Variants in BRINP1 observed in about 807,000 individuals in gnomAD.
BRINP1 encodes the protein BMP/retinoic acid-inducible neural-specific protein 1.
A neutral mutation model predicts 72.9 loss-of-function variants in BRINP1; 17 were observed. That is an observed-to-expected ratio of 0.23 (90% CI 0.16 to 0.35). The LOEUF (loss-of-function observed/expected upper bound fraction) is 0.35, where lower values mean the gene tolerates loss of function less well. BRINP1 is among the 10% of genes least tolerant of loss of function. The pLI is 1.00. For synonymous variants in BRINP1, 418 were observed against 378.5 expected (o/e 1.10, Z -1.21); for missense variants, 850 against 1,001.6 (o/e 0.85, Z 2.04).
At chr9:119,175,120 A>AT (rs1491501487) in intron 7 of BRINP1, among the ~76,000 whole-genome samples, 60 of 81,710 alleles carry the variant, frequency 7.3e-4, no homozygotes, top group Admixed American at 1.4e-3. Context: ...AGTAAAGTAT[A>AT]AAAAAAAAAA....
intron 2 of BRINP1, among the ~76,000 whole-genome samples, chr9:119,302,951 A>G (rs1476120342): frequency 6.6e-6 from 1 of 152,136 alleles, no homozygotes; most frequent in South Asian, 2.1e-4. Flanking sequence ...CCTTGGTGTC[A>G]TCAGAGGCTA....
chr9:119,224,782 T>C (rs1830073916), intron 5 of BRINP1, among the ~76,000 whole-genome samples: 2 of 152,068 alleles, frequency 1.3e-5, no homozygotes, highest in Admixed American at 6.6e-5. Context: ...ATGTGTCATG[T>C]ACCATGTCTC....
chr9:119,176,762 A>T (rs1829494736), intron 7 of BRINP1, among the ~76,000 whole-genome samples: 1 of 152,196 alleles, frequency 6.6e-6, no homozygotes, highest in Admixed American at 6.5e-5. Context: ...ACTCTCGGGG[A>T]TTTCACTATC....
At chr9:119,344,920 GTTCTCTCCCATAAC>G (rs1831435745) in intron 1 of BRINP1, among the ~76,000 whole-genome samples, 1 of 152,156 alleles carries the variant, frequency 6.6e-6, no homozygotes, top group Non-Finnish European at 1.5e-5. Flanking sequence ...AACATGATCA[GTTCTCTCCCATAAC>G]TTTAATGCTC....
At chr9:119,186,128 G>T (rs1020240745) in intron 7 of BRINP1, among the ~76,000 whole-genome samples, 1 of 152,274 alleles carries the variant, frequency 6.6e-6, no homozygotes, top group East Asian at 1.9e-4. Flanking sequence ...GGGCTCAGAT[G>T]TTAGGGTCAC....
chr9:119,233,106 G>A lies in BRINP1; in HGVS notation c.685+5549C>T, dbSNP rs557611659. On this transcript the variant is annotated intron_variant, in intron 5 of 7. Transcript: ENST00000265922. ...ATCACAAGGTGAAAGTCATTAGAGT[G>A]CCATTGATATTGTTCTCAATCCACC... Among the ~76,000 whole-genome samples the A allele has an allele frequency of 5.4e-4, 82 of 151,592 alleles. 1 individual carries two copies. In the Middle Eastern group the frequency reaches 0.02, roughly 38 times the overall value.
chr9:119,257,383 C>T (rs754697020), intron 2 of BRINP1, among the ~76,000 whole-genome samples: 1 of 152,168 alleles, frequency 6.6e-6, no homozygotes, highest in Non-Finnish European at 1.5e-5. Context: ...AAAGCAACTC[C>T]ATGAGGGGCA....
At chr9:119,258,592 T>C (rs1460971547) in intron 2 of BRINP1, among the ~76,000 whole-genome samples, 2 of 152,180 alleles carry the variant, frequency 1.3e-5, no homozygotes, top group African/African-American at 2.4e-5. Flanking sequence ...ATCACTGTCA[T>C]TTCACAGATG....
chr9:119,360,375 T>C (rs1476358455), intron 1 of BRINP1, among the ~76,000 whole-genome samples: 2 of 152,232 alleles, frequency 1.3e-5, no homozygotes, highest in African/African-American at 4.8e-5. Flanking sequence ...CCTTCCTTTA[T>C]CATGCGCCTG....
chr9:119,318,554 G>T (rs1831149480), intron 1 of BRINP1, among the ~76,000 whole-genome samples: 1 of 152,114 alleles, frequency 6.6e-6, no homozygotes, highest in Non-Finnish European at 1.5e-5. Flanking sequence ...ATCCGTACAT[G>T]TTGAGTGCAG....
At chr9:119,173,933 A>C (rs911177530) in intron 7 of BRINP1, among the ~76,000 whole-genome samples, 1 of 129,146 alleles carries the variant, frequency 7.7e-6, no homozygotes, top group East Asian at 2.0e-4. Context: ...CTGGCTAGCC[A>C]TATGTAGAAA....
At chr9:119,302,563 C>T (rs1192294696) in intron 2 of BRINP1, among the ~76,000 whole-genome samples, 4 of 151,998 alleles carry the variant, frequency 2.6e-5, no homozygotes, top group Non-Finnish European at 5.9e-5. Context: ...GTGTAGGATC[C>T]ATCACCTTAG....
At chr9:119,286,582 TG>T (rs1345513246) in intron 2 of BRINP1, among the ~76,000 whole-genome samples, 1 of 152,208 alleles carries the variant, frequency 6.6e-6, no homozygotes, top group African/African-American at 2.4e-5. Context: ...ATGTGTCTAC[TG>T]GGTAGTGCAA....
At chr9:119,263,859 C>T (rs913237951) in intron 2 of BRINP1, among the ~76,000 whole-genome samples, 6 of 152,080 alleles carry the variant, frequency 3.9e-5, no homozygotes, top group Non-Finnish European at 8.8e-5. Context: ...CCGCCCGCCT[C>T]GGCCTCCCAA....
intron 2 of BRINP1, among the ~76,000 whole-genome samples, chr9:119,296,576 G>A (rs149162624): frequency 1.5e-4 from 23 of 152,256 alleles, no homozygotes; most frequent in African/African-American, 4.8e-4. Context: ...CATGTCCATT[G>A]CAGAGTTTCT....
At chr9:119,333,344 TC>T (rs1831318881) in intron 1 of BRINP1, among the ~76,000 whole-genome samples, 1 of 151,456 alleles carries the variant, frequency 6.6e-6, no homozygotes, top group African/African-American at 2.4e-5. Flanking sequence ...ACGCCTGTGG[TC>T]CCAGCTACTC....
chr9:119,295,973 C>T (rs1316898718), intron 2 of BRINP1, among the ~76,000 whole-genome samples: 3 of 152,110 alleles, frequency 2.0e-5, no homozygotes, highest in African/African-American at 7.2e-5. Context: ...TAACATTGGT[C>T]TGGGCAATGA....
intron 5 of BRINP1, among the ~76,000 whole-genome samples, chr9:119,218,462 T>A (rs1289792016): frequency 1.3e-5 from 2 of 152,006 alleles, no homozygotes; most frequent in African/African-American, 4.8e-5. Context: ...AACTTTGAAC[T>A]TTAAACACTT....
At chr9:119,179,510 GTTC>G (rs757856520) in intron 7 of BRINP1, among the ~76,000 whole-genome samples, 4 of 152,168 alleles carry the variant, frequency 2.6e-5, no homozygotes, top group African/African-American at 4.8e-5. Flanking sequence ...CCTTGGGAAT[GTTC>G]TTCTTTCTCA....
Sources: allele counts gnomAD v4.1 joint callset (sites outside exome capture counted in the v4.1 genomes callset), GRCh38; gene constraint gnomAD v4.1.1; transcripts MANE v1.5; gene names NCBI Gene and HGNC (gene_info 2026-07-23, HGNC 2026-07-21).